Variants in SPMAP2L observed in about 807,000 individuals in gnomAD.
The protein encoded by SPMAP2L is sperm microtubule associated protein 2-like.
At chr4:56,561,447 G>A in the SPMAP2L span, among the ~76,000 whole-genome samples, 3 of 152,196 alleles carry the variant, frequency 2.0e-5, no homozygotes, top group South Asian at 2.1e-4. Context: ...GCATCTGCTC[G>A]GCTTCTGGTG....
At chr4:56,581,035 C>T in the SPMAP2L span, among the ~76,000 whole-genome samples, 1 of 152,130 alleles carries the variant, frequency 6.6e-6, no homozygotes, top group South Asian at 2.1e-4. Context: ...TGTATGATTT[C>T]ACTTATTTGA....
At chr4:56,543,875 T>TGA in the SPMAP2L span, among the ~76,000 whole-genome samples, 7,388 of 121,354 alleles carry the variant, frequency 0.061, 312 homozygotes, top group Middle Eastern at 0.14. Context: ...TAGCATATAT[T>TGA]GAGAGAGAGA....
the SPMAP2L span, among the ~76,000 whole-genome samples, chr4:56,573,060 G>A: frequency 6.6e-6 from 1 of 151,690 alleles, no homozygotes; most frequent in South Asian, 2.1e-4. Flanking sequence ...CATTGACAGC[G>A]CTGTGAGACT....
chr4:56,565,191 T>C, the SPMAP2L span, among the ~76,000 whole-genome samples: 1 of 152,224 alleles, frequency 6.6e-6, no homozygotes, highest in African/African-American at 2.4e-5. Flanking sequence ...GTTGGTAGTC[T>C]TGTTCAAGTT....
chr4:56,580,348 A>G, the SPMAP2L span, among the ~76,000 whole-genome samples: 7 of 152,192 alleles, frequency 4.6e-5, no homozygotes, highest in Non-Finnish European at 1.0e-4. Context: ...AATACACTAA[A>G]TTAATAGAAT....
chr4:56,530,987 A>G, the SPMAP2L span: 5 of 1,534,996 alleles, frequency 3.3e-6, no homozygotes, highest in Admixed American at 2.0e-5. Context: ...TACGAACTCC[A>G]TGGGCCCCAT....
At chr4:56,552,391 A>G in the SPMAP2L span, among the ~76,000 whole-genome samples, 54 of 152,336 alleles carry the variant, frequency 3.5e-4, no homozygotes, top group Non-Finnish European at 6.0e-4. Context: ...GGTACAAAGA[A>G]TGTTTGGATA....
the SPMAP2L span, among the ~76,000 whole-genome samples, chr4:56,555,452 G>A: frequency 6.6e-6 from 1 of 152,018 alleles, no homozygotes; most frequent in South Asian, 2.1e-4. Context: ...TGGGTCTTTT[G>A]TCTTTCTATA....
chr4:56,543,220 A>G, the SPMAP2L span, among the ~76,000 whole-genome samples: 1 of 151,228 alleles, frequency 6.6e-6, no homozygotes, highest in Admixed American at 6.6e-5. Context: ...AGTAGCTGGG[A>G]CTACAGGCGC....
the SPMAP2L span, among the ~76,000 whole-genome samples, chr4:56,574,835 TGCTGGGCA>T: frequency 6.6e-6 from 1 of 151,744 alleles, no homozygotes; most frequent in Non-Finnish European, 1.5e-5. Context: ...TTTAAAAAGT[TGCTGGGCA>T]TAGAGGCACA....
At chr4:56,600,800 C>A in the SPMAP2L span, 1 of 860,772 alleles carries the variant, frequency 1.2e-6, no homozygotes, top group Non-Finnish European at 1.7e-6. Flanking sequence ...AGGATGGAAG[C>A]AGAGAGACCA....
the SPMAP2L span, among the ~76,000 whole-genome samples, chr4:56,544,879 T>C: frequency 6.6e-6 from 1 of 152,214 alleles, no homozygotes; most frequent in Non-Finnish European, 1.5e-5. Context: ...AACGGCAGCA[T>C]TCTCAACAGG....
At chr4:56,579,328 G>A in the SPMAP2L span, among the ~76,000 whole-genome samples, 2 of 152,146 alleles carry the variant, frequency 1.3e-5, no homozygotes, top group African/African-American at 2.4e-5. Flanking sequence ...TTAAAAATAT[G>A]TTAAATTAAT....
chr4:56,611,648 ACAGAACTCTGC>A, the SPMAP2L span, among the ~76,000 whole-genome samples: 1 of 152,200 alleles, frequency 6.6e-6, no homozygotes, highest in Non-Finnish European at 1.5e-5. Context: ...ACATATGGCA[ACAGAACTCTGC>A]CTCACAACCT....
chr4:56,582,334 T>C, the SPMAP2L span, among the ~76,000 whole-genome samples: 1 of 152,158 alleles, frequency 6.6e-6, no homozygotes, highest in South Asian at 2.1e-4. Context: ...TATATAAAAA[T>C]TATCCTGAAA....
the SPMAP2L span, among the ~76,000 whole-genome samples, chr4:56,545,462 G>GGT: frequency 6.6e-6 from 1 of 152,036 alleles, no homozygotes; most frequent in Non-Finnish European, 1.5e-5. Context: ...GGCTACGTGT[G>GGT]GTGACTCATG....
At chr4:56,600,405 T>C in the SPMAP2L span, among the ~76,000 whole-genome samples, 12 of 152,126 alleles carry the variant, frequency 7.9e-5, no homozygotes, top group African/African-American at 2.9e-4. Flanking sequence ...GCGATTCTTC[T>C]GCCTCAGCCT....
chr4:56,613,866 T>C, the SPMAP2L span, among the ~76,000 whole-genome samples: 1 of 152,242 alleles, frequency 6.6e-6, no homozygotes, highest in Non-Finnish European at 1.5e-5. Flanking sequence ...TTGATCTGTG[T>C]ATTTGGATAA....
the SPMAP2L span, among the ~76,000 whole-genome samples, chr4:56,575,834 C>A: frequency 2.6e-4 from 40 of 152,298 alleles, no homozygotes; most frequent in Admixed American, 2.1e-3. Context: ...TTACATTTGA[C>A]TCACATTGTG....
Sources: gnomAD v4.1 joint callset for allele counts (sites outside exome capture counted in the v4.1 genomes callset) on GRCh38, gnomAD v4.1.1 for gene constraint, MANE v1.5 for transcripts, NCBI Gene and HGNC (gene_info 2026-07-23, HGNC 2026-07-21) for gene names.